The following RBMS3 variants were observed in gnomAD, a reference collection of about 807,000 sequenced individuals.
RBMS3 encodes the protein RNA-binding motif, single-stranded-interacting protein 3.
In RBMS3, 27 loss-of-function variants were observed where a neutral mutation model predicts 66.8. That is an observed-to-expected ratio of 0.40 (90% CI 0.30 to 0.56). The LOEUF is 0.56. RBMS3 is among the 20% of genes least tolerant of loss of function. The probability of loss-of-function intolerance (pLI) is 0.40; values close to 1 mark genes in which losing one functional copy is unlikely to be tolerated. For missense variants in RBMS3, 513 were observed against 549.5 expected, an observed-to-expected ratio of 0.93 and a Z score of 0.66; for synonymous variants, 188 against 183.0, an observed-to-expected ratio of 1.03 and a Z score of -0.22.
chr3:29,335,390 A>G (rs1337429340), intron 1 of RBMS3, among the ~76,000 whole-genome samples: 1 of 152,202 alleles, frequency 6.6e-6, no homozygotes, highest in African/African-American at 2.4e-5. Flanking sequence ...AGCAGAAATT[A>G]TGCATATAGT....
chr3:29,363,928 A>G (rs1018668917), intron 1 of RBMS3, among the ~76,000 whole-genome samples: 3 of 152,138 alleles, frequency 2.0e-5, no homozygotes, highest in Non-Finnish European at 4.4e-5. Context: ...TGTGGCAAAG[A>G]TGAGCAGAAA....
chr3:29,982,634 A>G (rs1231150697), intron 12 of RBMS3, among the ~76,000 whole-genome samples: 1 of 152,156 alleles, frequency 6.6e-6, no homozygotes, highest in Non-Finnish European at 1.5e-5. Context: ...CATTGGTTCA[A>G]AGAAGTTACT....
chr3:29,409,824 A>G (rs1293483414), intron 1 of RBMS3, among the ~76,000 whole-genome samples: 1 of 152,254 alleles, frequency 6.6e-6, no homozygotes, highest in Non-Finnish European at 1.5e-5. Context: ...AAGGTCAAGG[A>G]GCAAGTTGCA....
chr3:29,788,848 C>T (rs1490798389), intron 6 of RBMS3, among the ~76,000 whole-genome samples: 2 of 151,978 alleles, frequency 1.3e-5, no homozygotes. Context: ...TAAGTCACAC[C>T]CACACTAGCC....
chr3:29,371,376 A>C (rs533495903), intron 1 of RBMS3, among the ~76,000 whole-genome samples: 1 of 152,362 alleles, frequency 6.6e-6, no homozygotes, highest in African/African-American at 2.4e-5. Flanking sequence ...TTGAAAAAGC[A>C]AAAACATGTA....
chr3:29,406,696 A>G (rs1210068228), intron 1 of RBMS3, among the ~76,000 whole-genome samples: 2 of 152,222 alleles, frequency 1.3e-5, no homozygotes, highest in Admixed American at 1.3e-4. Flanking sequence ...GAACTGTGTT[A>G]AAAAATACAA....
At chr3:29,327,094 A>G (rs2035385218) in intron 1 of RBMS3, among the ~76,000 whole-genome samples, 1 of 152,150 alleles carries the variant, frequency 6.6e-6, no homozygotes. Context: ...TAGGAGACTA[A>G]TGTTAAGGAA....
At chr3:29,624,781 C>A (rs1458789693) in intron 4 of RBMS3, among the ~76,000 whole-genome samples, 1 of 151,946 alleles carries the variant, frequency 6.6e-6, no homozygotes, top group Non-Finnish European at 1.5e-5. Flanking sequence ...TATGATGATA[C>A]CTTTTGAAGG....
chr3:29,754,530 G>T (rs967223140), intron 5 of RBMS3, among the ~76,000 whole-genome samples: 2 of 152,186 alleles, frequency 1.3e-5, no homozygotes, highest in Non-Finnish European at 1.5e-5. Flanking sequence ...TCAGATGAAT[G>T]AAAGTTATGC....
intron 10 of RBMS3, among the ~76,000 whole-genome samples, chr3:29,920,993 T>C (rs2060761204): frequency 6.6e-6 from 1 of 152,132 alleles, no homozygotes; most frequent in Non-Finnish European, 1.5e-5. Context: ...CCGAGGCCAT[T>C]GGATATTAAT....
chr3:29,622,578 G>A (rs977249473), intron 4 of RBMS3, among the ~76,000 whole-genome samples: 4 of 152,144 alleles, frequency 2.6e-5, no homozygotes, highest in South Asian at 2.1e-4. Context: ...CTTGTTGAAC[G>A]TCATTGTCCT....
At chr3:29,830,030 T>A (rs1359914290) in intron 6 of RBMS3, among the ~76,000 whole-genome samples, 1 of 152,208 alleles carries the variant, frequency 6.6e-6, no homozygotes, top group Non-Finnish European at 1.5e-5. Flanking sequence ...GTCTTGTTAT[T>A]TCAGTTAAAG....
At chr3:29,679,143 T>A (rs2149257730) in intron 4 of RBMS3, among the ~76,000 whole-genome samples, 1 of 151,834 alleles carries the variant, frequency 6.6e-6, no homozygotes, top group South Asian at 2.1e-4. Context: ...GCAAATGGAG[T>A]CCCAGCATTC....
intron 13 of RBMS3, 118 bp downstream of exon 13, chr3:29,988,341 G>A (rs1698576511): frequency 1.3e-6 from 1 of 759,754 alleles, no homozygotes; most frequent in Middle Eastern, 3.5e-4. Context: ...TCTAAAATAT[G>A]ACATTGTAAA....
At chr3:29,545,253 T>A (rs2149019944) in intron 3 of RBMS3, among the ~76,000 whole-genome samples, 1 of 152,124 alleles carries the variant, frequency 6.6e-6, no homozygotes, top group East Asian at 1.9e-4. Flanking sequence ...TATAAAACAT[T>A]AAGTATAATA....
intron 1 of RBMS3, among the ~76,000 whole-genome samples, chr3:29,337,386 CCCAG>C (rs1353188617): frequency 6.6e-6 from 1 of 151,968 alleles, no homozygotes; most frequent in Non-Finnish European, 1.5e-5. Context: ...AGCCTATAAT[CCCAG>C]CACTTTGGGA....
At chr3:29,456,443 G>C (rs1575866066) in intron 2 of RBMS3, among the ~76,000 whole-genome samples, 1 of 152,118 alleles carries the variant, frequency 6.6e-6, no homozygotes, top group African/African-American at 2.4e-5. Flanking sequence ...GATGAGCTTG[G>C]CTCAGAATAG....
chr3:29,420,947 GAA>G (rs397757488), intron 1 of RBMS3, among the ~76,000 whole-genome samples: 74 of 125,478 alleles, frequency 5.9e-4, no homozygotes, highest in African/African-American at 2.0e-3. Flanking sequence ...TACTAAAAAT[GAA>G]AAAAAAAAAA....
chr3:29,551,465 T>C (rs1209303086), intron 3 of RBMS3, among the ~76,000 whole-genome samples: 1 of 152,196 alleles, frequency 6.6e-6, no homozygotes, highest in African/African-American at 2.4e-5. Flanking sequence ...TCTTGTCAGA[T>C]GAACAAATCT....
Sources: gnomAD v4.1 joint callset for allele counts (sites outside exome capture counted in the v4.1 genomes callset) on GRCh38, gnomAD v4.1.1 for gene constraint, MANE v1.5 for transcripts, NCBI Gene and HGNC (gene_info 2026-07-23, HGNC 2026-07-21) for gene names.